The following RYR1 variants were observed in gnomAD, a reference collection of about 807,000 sequenced individuals.
RYR1 encodes central core disease of muscle.
In RYR1, 342 loss-of-function variants were observed where a neutral mutation model predicts 583.5. The ratio of observed to expected loss-of-function variants is 0.59; its 90% CI spans 0.54 to 0.64. The LOEUF (loss-of-function observed/expected upper bound fraction) is 0.64. Among genes scored for constraint, RYR1 ranks in the 30% least tolerant of loss-of-function variants. The pLI, the probability that RYR1 is intolerant of heterozygous loss-of-function variation, is 0.00. For synonymous variants in RYR1, 2,791 were observed against 2,822.5 expected (o/e 0.99, Z 0.35); for missense variants, 6,032 against 6,917.2 (o/e 0.87, Z 4.54).
Position 38,458,108 on chromosome 19 carries a change from G to A in RYR1, c.1983G>A (p.Trp661Ter), listed in dbSNP as rs1305971341. 14 of 1,613,890 alleles carry A rather than the reference G, an allele frequency of 8.7e-6. No individual in the cohort carries two copies. The highest frequency in any genetic ancestry group is 1.2e-5 in the Non-Finnish European group (14 of 1,180,046). ...AAGGCACCACGCAGTACAGCAAATG[G>A]TACTTTGAGGTGATGGTGGACGAGG... ...RAEGTTQYSK[W>*]YFEVMVDEVT... The change falls in exon 18 of 106, where the codon TGG becomes TGA. Residue 661 changes from tryptophan (W) to a stop codon, truncating the protein, a stop_gained. Coordinates refer to ENST00000359596, the MANE Select transcript of RYR1 (RefSeq NM_000540.3). LOFTEE classifies it high-confidence loss of function.
intron 74 of RYR1, 75 bp downstream of exon 74, chr19:38,528,493 G>A (rs1037444666): frequency 1.9e-6 from 3 of 1,592,866 alleles, no homozygotes; most frequent in African/African-American, 1.3e-5. Context: ...AGAATGGAGG[G>A]CCAACGTGAT....
At chr19:38,454,402 T>G (rs1369878721) in intron 13 of RYR1, among the ~76,000 whole-genome samples, 1 of 152,228 alleles carries the variant, frequency 6.6e-6, no homozygotes, top group African/African-American at 2.4e-5. Flanking sequence ...GCTGAAGTGC[T>G]GTCTAGCTTT....
chr19:38,483,461 G>C lies in RYR1; in HGVS notation c.4879G>C (p.Val1627Leu). 6.4e-7 allele frequency: 1 copy of C among 1,568,174 alleles called. No individual in the cohort carries two copies. The highest frequency in any genetic ancestry group is 8.6e-7 in the Non-Finnish European group (1 of 1,160,364). Residue 1627 changes from valine (V) to leucine (L), a missense_variant, in exon 33 of 106, where the codon GTG becomes CTG. By Grantham distance (32) the Val-to-Leu change is conservative (BLOSUM62 1). Around this residue, in one of 11 missense-constraint regions of RYR1, gnomAD observed 2,627 missense variants for 2,961.3 expected, o/e 0.89. Coordinates refer to ENST00000359596, the MANE Select transcript of RYR1 (RefSeq NM_000540.3). This position sits in a 1 kb window ranked among gnomAD's most constrained non-coding sequence, Gnocchi z 6.3. ...RRAGERLGWA[V>L]QCQEPLTMMA... is the part of the protein sequence containing the mutation. ...TGCCGGCGAGCGGCTGGGCTGGGCC[G>C]TGCAGTGCCAGGAGCCGCTGACCAT...
intron 18 of RYR1, among the ~76,000 whole-genome samples, chr19:38,458,567 G>T (rs1281462285): frequency 6.6e-6 from 1 of 152,052 alleles, no homozygotes; most frequent in Non-Finnish European, 1.5e-5. Context: ...TGTGATCTCT[G>T]ATCTTTGACT....
rs139966320 is a variant in RYR1, at chr19:38,554,105, G to A, written c.12282+5685G>A. Among the ~76,000 whole-genome samples, 192 of 152,026 alleles carry A rather than the reference G, an allele frequency of 1.3e-3. 1 individual carries two copies. The highest frequency in any genetic ancestry group is 0.011 in the East Asian group (55 of 5,140). ...CCACAGACATTTTACATTTGTACAT[G>A]TTTTACTGCAGAGTTCCAGCAGATG... On this transcript the variant is annotated intron_variant, in intron 89 of 105. Transcript: ENST00000359596.
intron 29 of RYR1, 134 bp downstream of exon 29, chr19:38,475,584 C>G: frequency 9.0e-7 from 1 of 1,111,086 alleles, no homozygotes; most frequent in East Asian, 2.5e-5. Flanking sequence ...ACTAGAAACT[C>G]ATAAAATATG....
In RYR1 at chr19:38,505,915, A is replaced by G; in HGVS notation, c.8510A>G (p.Lys2837Arg). ...REGEEEKTEK[K>R]KTRKISQSAQ... ...GGTGAGGAGGAGAAGACGGAAAAGA[A>G]AAAAACGCGGAAGATATCACAAAGT... Residue 2837 changes from lysine to arginine, a missense_variant, in exon 54 of 106, where the codon AAA becomes AGA. Physicochemically the swap from Lys to Arg is conservative, Grantham distance 26 (BLOSUM62 2). Transcript: ENST00000359596. The G allele has an allele frequency of 6.2e-7, 1 of 1,613,848 alleles. No homozygotes were observed. The highest frequency in any genetic ancestry group is 1.3e-5 in the African/African-American group (1 of 75,002).
At chr19:38,491,480 G>A (rs1051225079) in intron 37 of RYR1, among the ~76,000 whole-genome samples, 1 of 150,410 alleles carries the variant, frequency 6.6e-6, no homozygotes, top group Non-Finnish European at 1.5e-5. Flanking sequence ...CCCAGCAGGA[G>A]TGCAGGGGCA....
intron 49 of RYR1, 152 bp from the exon 50 acceptor site, chr19:38,504,068 C>T (rs1970326099): frequency 1.2e-6 from 1 of 860,596 alleles, no homozygotes. Context: ...ATAAACATAC[C>T]ATTTCTTCCC....
chr19:38,509,703 C>T (rs1479360985), intron 58 of RYR1, among the ~76,000 whole-genome samples: 6 of 151,800 alleles, frequency 4.0e-5, no homozygotes, highest in African/African-American at 7.2e-5. Flanking sequence ...GTGATCCACC[C>T]GCCTCGGCTT....
rs763159740 is a variant in RYR1, at chr19:38,499,089, G to A, written c.6892-19G>A. 4.5e-5 allele frequency: 73 copies of A among 1,613,494 alleles called. No homozygotes were observed. The highest frequency in any genetic ancestry group is 5.8e-5 in the Non-Finnish European group (69 of 1,179,812). ...GGTGGCATGGGTCTGGTCTCTGACT[G>A]AGCCCCTTCTGCCCCCAGGTTGTGT... On this transcript the variant is annotated intron_variant, in intron 42 of 105. Transcript: ENST00000359596. This position sits in a 1 kb window ranked among gnomAD's most constrained non-coding sequence, Gnocchi z 7.3.
chr19:38,578,260 G>A (rs550075371), intron 99 of RYR1, 56 bp downstream of exon 99: 4 of 1,572,586 alleles, frequency 2.5e-6, no homozygotes, highest in African/African-American at 1.3e-5. Context: ...GCGTTAGGAG[G>A]GTTCCCAACG....
chr19:38,575,104 G>C (rs1973898666), intron 96 of RYR1, among the ~76,000 whole-genome samples: 1 of 151,920 alleles, frequency 6.6e-6, no homozygotes, highest in African/African-American at 2.4e-5. Context: ...TTGTCACTTG[G>C]AAAACTGGTG....
At chr19:38,514,342 G>A (rs930908561) in intron 63 of RYR1, among the ~76,000 whole-genome samples, 6 of 149,724 alleles carry the variant, frequency 4.0e-5, no homozygotes, top group African/African-American at 1.2e-4. Context: ...GTGCAGTGGC[G>A]CAATCTCAGC....
Position 38,512,365 on chromosome 19 carries a change from G to C in RYR1, c.9354G>C (p.Ala3118=), listed in dbSNP as rs146408926. Residue 3118 remains alanine (A), a synonymous_variant, in exon 63 of 106, where the codon GCG becomes GCC. Transcript: ENST00000359596. The surrounding 1 kb of genome is among the most constrained non-coding windows in gnomAD (Gnocchi z 5.1). The part of the protein sequence containing the change: ...ENLRLGKVSQ[A]RTQVKGVGQN... The stretch of plus-strand genomic sequence containing the variant: ...TGCGGCTGGGCAAGGTGTCGCAGGC[G>C]CGCACCCAGGTGAAAGGCGTGGGCC... 1 of 1,613,956 alleles carries C rather than the reference G, an allele frequency of 6.2e-7. No homozygotes were observed. Among genetic ancestry groups the C allele is most frequent in the Non-Finnish European group, 8.5e-7 (1 of 1,180,048 alleles).
At chr19:38,587,006 C>T (rs1302215499) in intron 105 of RYR1, among the ~76,000 whole-genome samples, 11 of 152,094 alleles carry the variant, frequency 7.2e-5, no homozygotes, top group African/African-American at 2.7e-4. Flanking sequence ...TCCTGGCTCA[C>T]GCCTGCAATC....
At chr19:38,585,216 T>A in intron 102 of RYR1, 117 bp downstream of exon 102, 3 of 1,293,894 alleles carry the variant, frequency 2.3e-6, no homozygotes, top group Non-Finnish European at 3.3e-6. Context: ...CTCGCTACTG[T>A]GAGACCTTGG....
chr19:38,525,463 C>T lies in RYR1; in HGVS notation c.10587C>T (p.Asp3529=). Residue 3529 remains aspartate (D), a synonymous_variant, in exon 71 of 106, where the codon GAC becomes GAT. Coordinates refer to ENST00000359596, the MANE Select transcript of RYR1 (RefSeq NM_000540.3). ...GCCTGAATATGTGTGCGCCCACCGA[C>T]CAAGACCTCATCACGCTGGCCAAGA... ...PIGLNMCAPT[D]QDLITLAKTR... The T allele has an allele frequency of 1.9e-6, 3 of 1,613,998 alleles. No individual in the cohort carries two copies. Among genetic ancestry groups the T allele is most frequent in the Non-Finnish European group, 1.7e-6 (2 of 1,179,962 alleles).
At chr19:38,528,273 G>A in intron 73 of RYR1, 33 bp from the exon 74 acceptor site, 1 of 1,575,022 alleles carries the variant, frequency 6.3e-7, no homozygotes, top group Non-Finnish European at 8.7e-7. Context: ...GGCAGGGTCT[G>A]GGGATGTGAC....
Sources: gnomAD v4.1 joint callset for allele counts (sites outside exome capture counted in the v4.1 genomes callset) on GRCh38, gnomAD v4.1.1 for gene constraint, gnomAD v4.1.1 regional missense constraint, Gnocchi (gnomAD v3.1) non-coding constraint, MANE v1.5 for transcripts, NCBI Gene and HGNC (gene_info 2026-07-23, HGNC 2026-07-21) for gene names.